The following CSMD1 variants were observed in gnomAD, a reference collection of about 807,000 sequenced individuals.
The protein encoded by CSMD1 is CUB and Sushi multiple domains 1.
Under a neutral mutation model 417.5 loss-of-function variants are expected in CSMD1, and 213 were observed. That is an observed-to-expected ratio of 0.51 (90% CI 0.46 to 0.57). The LOEUF is 0.57. Among genes scored for constraint, CSMD1 ranks in the 20% least tolerant of loss-of-function variants. The probability of loss-of-function intolerance (pLI) is 0.00; values close to 1 mark genes in which losing one functional copy is unlikely to be tolerated. For synonymous variants in CSMD1, 2,862 were observed against 1,736.8 expected (o/e 1.65, Z -16.11); for missense variants, 6,923 against 4,529.7 (o/e 1.53, Z -15.17).
intron 3 of CSMD1, among the ~76,000 whole-genome samples, chr8:4,051,190 TCTCTGCTGAGAG>T (rs1341484930): frequency 6.5e-5 from 1 of 15,324 alleles, no homozygotes; most frequent in Non-Finnish European, 2.1e-4. Context: ...CTGCTGAGAA[TCTCTGCTGAGAG>T]CACAGCCTCC....
At chr8:3,852,067 G>A (rs1803948371) in intron 5 of CSMD1, among the ~76,000 whole-genome samples, 1 of 152,220 alleles carries the variant, frequency 6.6e-6, no homozygotes, top group Non-Finnish European at 1.5e-5. Flanking sequence ...GAGGCAGACT[G>A]GAGGAGATCT....
intron 3 of CSMD1, among the ~76,000 whole-genome samples, chr8:4,272,792 T>A (rs1478835293): frequency 6.6e-6 from 1 of 152,180 alleles, no homozygotes; most frequent in Non-Finnish European, 1.5e-5. Flanking sequence ...TGAGATGACC[T>A]TTACTCTAAC....
chr8:3,339,329 A>C (rs1447447634), intron 23 of CSMD1, among the ~76,000 whole-genome samples: 1 of 152,108 alleles, frequency 6.6e-6, no homozygotes, highest in Non-Finnish European at 1.5e-5. Context: ...AACACTTTAA[A>C]GATGTTCCTG....
At chr8:4,851,535 G>A (rs1245925396) in intron 1 of CSMD1, among the ~76,000 whole-genome samples, 1 of 151,862 alleles carries the variant, frequency 6.6e-6, no homozygotes, top group Admixed American at 6.6e-5. Flanking sequence ...CCAGGGTTGA[G>A]GTAGTCTACC....
chr8:4,911,563 G>C lies in CSMD1; in HGVS notation c.85+82769C>G, dbSNP rs146917716. On this transcript the variant is annotated intron_variant, in intron 1 of 69. Coordinates refer to ENST00000635120, the MANE Select transcript of CSMD1 (RefSeq NM_033225.6). ...GGGCCAAACTTTACTGCTAATACCT[G>C]CCCTCTACCTGCATCCAGGGATCTC... Among the ~76,000 whole-genome samples, 307 of 152,188 alleles carry C rather than the reference G, an allele frequency of 2.0e-3. 9 individuals carry two copies. In the East Asian group the frequency reaches 0.026, roughly 13 times the overall value.
intron 3 of CSMD1, among the ~76,000 whole-genome samples, chr8:4,290,096 G>A (rs1797277964): frequency 1.3e-5 from 2 of 152,178 alleles, no homozygotes; most frequent in Non-Finnish European, 2.9e-5. Flanking sequence ...GCATACAGAT[G>A]TGCAACAAAA....
At chr8:4,235,601 G>C (rs770682528) in intron 3 of CSMD1, among the ~76,000 whole-genome samples, 2 of 152,030 alleles carry the variant, frequency 1.3e-5, no homozygotes, top group African/African-American at 4.8e-5. Context: ...TTCTCTCAGG[G>C]ATCTCATGAC....
chr8:4,339,945 A>T (rs935167497), intron 3 of CSMD1, among the ~76,000 whole-genome samples: 1 of 152,044 alleles, frequency 6.6e-6, no homozygotes, highest in Non-Finnish European at 1.5e-5. Context: ...GGATCACTTG[A>T]GTTCATAAGT....
chr8:3,537,749 T>C (rs1377524987), intron 10 of CSMD1, among the ~76,000 whole-genome samples: 3 of 152,314 alleles, frequency 2.0e-5, no homozygotes, highest in African/African-American at 7.2e-5. Flanking sequence ...TTAACTATTT[T>C]ATTTAGGACA....
At chr8:4,267,504 C>T (rs377628246) in intron 3 of CSMD1, among the ~76,000 whole-genome samples, 2 of 151,426 alleles carry the variant, frequency 1.3e-5, no homozygotes, top group East Asian at 1.9e-4. Context: ...CATATCTAAA[C>T]GCAGTAAGTA....
intron 41 of CSMD1, among the ~76,000 whole-genome samples, chr8:3,140,229 C>T (rs1818353534): frequency 6.6e-6 from 1 of 152,102 alleles, no homozygotes; most frequent in African/African-American, 2.4e-5. Context: ...GTAGGAGGTA[C>T]ATTCTCTTCC....
At chr8:4,264,275 T>C (rs967568110) in intron 3 of CSMD1, among the ~76,000 whole-genome samples, 2 of 152,194 alleles carry the variant, frequency 1.3e-5, no homozygotes, top group African/African-American at 2.4e-5. Flanking sequence ...AACATTGCTA[T>C]AGTAACACAT....
intron 3 of CSMD1, among the ~76,000 whole-genome samples, chr8:4,081,522 C>T (rs1800132594): frequency 6.6e-6 from 1 of 152,138 alleles, no homozygotes; most frequent in African/African-American, 2.4e-5. Context: ...TGGGGTCCCC[C>T]TACCAACCAC....
At chr8:4,287,324 G>C (rs955298181) in intron 3 of CSMD1, among the ~76,000 whole-genome samples, 14 of 152,254 alleles carry the variant, frequency 9.2e-5, no homozygotes, top group Admixed American at 5.9e-4. Context: ...AGCACATCTG[G>C]AGAAGTTACT....
chr8:4,971,042 G>C (rs1252043765), intron 1 of CSMD1, among the ~76,000 whole-genome samples: 6 of 151,978 alleles, frequency 3.9e-5, no homozygotes, highest in Non-Finnish European at 5.9e-5. Flanking sequence ...AATTGACTTA[G>C]TCTTAACTAA....
chr8:4,195,421 C>G (rs765542020), intron 3 of CSMD1, among the ~76,000 whole-genome samples: 2 of 152,116 alleles, frequency 1.3e-5, no homozygotes, highest in Non-Finnish European at 2.9e-5. Context: ...CGATGCAAGA[C>G]TGTGTCATGA....
At chr8:3,937,526 G>A (rs1372657776) in intron 5 of CSMD1, among the ~76,000 whole-genome samples, 1 of 149,624 alleles carries the variant, frequency 6.7e-6, no homozygotes, top group Non-Finnish European at 1.5e-5. Flanking sequence ...GATTGTACAT[G>A]TTTTTAAAAA....
In CSMD1 at chr8:4,597,099, T is replaced by C. The variant is rs76695602; in HGVS notation, c.302+40243A>G. ...TTTCAGCAGCATGAAAACAGACTAA[T>C]ACAACACACAATTTTTTTTTTTCTA... On this transcript the variant is annotated intron_variant, in intron 2 of 69. Coordinates refer to ENST00000635120, the MANE Select transcript of CSMD1 (RefSeq NM_033225.6). Among the ~76,000 whole-genome samples, 693 of 110,638 alleles carry C rather than the reference T, an allele frequency of 6.3e-3. 1 individual carries two copies. Among genetic ancestry groups the C allele is most frequent in the African/African-American group, 0.018 (673 of 37,360 alleles). 72.6% of individuals were successfully genotyped at this position (110,638 alleles called of 152,430 possible).
rs1802171170 is a variant in CSMD1, at chr8:4,499,952, G to A, written c.303-79887C>T. Among the ~76,000 whole-genome samples the A allele has an allele frequency of 2.6e-5, 4 of 152,028 alleles. No homozygotes were observed. The South Asian group carries it at 8.3e-4, about 31-fold the overall frequency. ...ATAAATTATCTAGGGTAGTATGCAT[G>A]GAAAGAAAAAAAGCAGATATCTATG... On this transcript the variant is annotated intron_variant, in intron 2 of 69. Coordinates refer to ENST00000635120, the MANE Select transcript of CSMD1 (RefSeq NM_033225.6).
Sources: gnomAD v4.1 joint callset for allele counts (sites outside exome capture counted in the v4.1 genomes callset) on GRCh38, gnomAD v4.1.1 for gene constraint, MANE v1.5 for transcripts, NCBI Gene and HGNC (gene_info 2026-07-23, HGNC 2026-07-21) for gene names.